The following SLC6A11 variants were observed in gnomAD, a reference collection of about 807,000 sequenced individuals.
SLC6A11 encodes the protein solute carrier family 6 member 11.
SLC6A11 carries 25 observed loss-of-function variants against 74.8 expected under a neutral mutation model. The ratio of observed to expected loss-of-function variants is 0.33; its 90% CI spans 0.24 to 0.47. The LOEUF (loss-of-function observed/expected upper bound fraction) is 0.47. Ranked by LOEUF, SLC6A11 falls within the 20% of genes least tolerant of loss-of-function variation. SLC6A11 has a pLI of 1.00. For synonymous variants in SLC6A11, 330 were observed against 330.2 expected (o/e 1.00, Z 0.01); for missense variants, 574 against 837.0 (o/e 0.69, Z 3.88).
chr3:10,878,132 C>T (rs1309318504), intron 6 of SLC6A11, among the ~76,000 whole-genome samples: 1 of 152,196 alleles, frequency 6.6e-6, no homozygotes, highest in African/African-American at 2.4e-5. Context: ...ACCTCTTTTG[C>T]TTAAATTCTC....
chr3:10,830,988 G>T (rs1007787790), intron 4 of SLC6A11, among the ~76,000 whole-genome samples: 1 of 152,170 alleles, frequency 6.6e-6, no homozygotes, highest in Admixed American at 6.5e-5. Flanking sequence ...GCACTGTTGG[G>T]AAAGACAGGG....
rs552143827 is a variant in SLC6A11 at position 10,885,592 on chromosome 3, C to G, written c.891+10497C>G. ...ATCTTACAATGCACAGGACAGCCCCCATGATAAAAAAAAAAAAAAAAAATC... is the reference window on the plus strand; with the variant it reads ...ATCTTACAATGCACAGGACAGCCCCGATGATAAAAAAAAAAAAAAAAAATC... On this transcript the variant is annotated intron_variant, in intron 6 of 13. Coordinates refer to ENST00000254488, the MANE Select transcript of SLC6A11 (RefSeq NM_014229.3). Among the ~76,000 whole-genome samples the G allele has an allele frequency of 3.6e-3, 361 of 101,664 alleles. 1 individual carries two copies. The highest frequency in any genetic ancestry group is 0.016 in the African/African-American group (346 of 21,444). 66.7% of individuals were successfully genotyped at this position (101,664 alleles called of 152,430 possible). A position where few individuals can be genotyped will look rare whatever the true frequency, so the allele number is the denominator to read the frequency against.
chr3:10,861,169 G>A (rs952157326), intron 5 of SLC6A11, among the ~76,000 whole-genome samples: 1 of 152,228 alleles, frequency 6.6e-6, no homozygotes, highest in African/African-American at 2.4e-5. Context: ...GCAGATAACA[G>A]ATGCTAAGTG....
intron 6 of SLC6A11, among the ~76,000 whole-genome samples, chr3:10,911,560 T>C (rs1695388834): frequency 6.6e-6 from 1 of 152,182 alleles, no homozygotes; most frequent in Non-Finnish European, 1.5e-5. Flanking sequence ...AGGTCAGCTA[T>C]GCAAATGTAT....
chr3:10,859,783 G>A (rs1694681790), intron 5 of SLC6A11, among the ~76,000 whole-genome samples: 1 of 152,078 alleles, frequency 6.6e-6, no homozygotes, highest in South Asian at 2.1e-4. Context: ...ATTATTTTAT[G>A]TACCAGAAGG....
chr3:10,866,454 G>A (rs1362299597), intron 5 of SLC6A11, among the ~76,000 whole-genome samples: 1 of 152,212 alleles, frequency 6.6e-6, no homozygotes, highest in Non-Finnish European at 1.5e-5. Flanking sequence ...CACCTGCTGG[G>A]CTGTTCCCAG....
Position 10,926,073 on chromosome 3 carries a change from C to A in SLC6A11, c.1190C>A (p.Thr397Asn), listed in dbSNP as rs1030285454. Residue 397 changes from threonine to asparagine, a missense_variant, in exon 9 of 14, where the codon ACC (threonine) becomes AAC (asparagine). By Grantham distance (65) the Thr-to-Asn change is moderately conservative (BLOSUM62 0). This residue lies in a region of SLC6A11 where 257 missense variants were observed against 341.5 expected (regional missense o/e 0.75). Transcript: ENST00000254488. The surrounding 1 kb of genome is among the most constrained non-coding windows in gnomAD (Gnocchi z 5.7). ...TMMPLSPLWA[T>N]LFFMMLIFLG... ...ATGCCTCTCTCCCCGCTGTGGGCCA[C>A]CTTGTTCTTCATGATGCTCATCTTC... 6.2e-7 allele frequency: 1 copy of A among 1,613,708 alleles called. No homozygotes were observed. Among genetic ancestry groups the A allele is most frequent in the African/African-American group, 1.3e-5 (1 of 75,010 alleles).
chr3:10,831,660 T>G (rs995577961), intron 4 of SLC6A11, among the ~76,000 whole-genome samples: 1 of 152,210 alleles, frequency 6.6e-6, no homozygotes, highest in East Asian at 1.9e-4. Flanking sequence ...CTTTTTTGTA[T>G]TATTTAAATT....
rs1695804871 is a variant in SLC6A11, at chr3:10,939,870, C to G, written c.*1468C>G. 6.6e-6 allele frequency: 1 copy of G among 152,230 alleles called. No homozygotes were observed. The highest frequency in any genetic ancestry group is 2.1e-4 in the South Asian group (1 of 4,834). 9.4% of individuals were successfully genotyped at this position (152,230 alleles called of 1,614,324 possible). A position where few individuals can be genotyped will look rare whatever the true frequency, so the allele number is the denominator to read the frequency against. Reference sequence around the variant, plus strand: ...ATACCGCTCTTCTTCTTTAATTGGACTTCATATCAAGCCTCTGCCTTGGTT... The same window carrying G: ...ATACCGCTCTTCTTCTTTAATTGGAGTTCATATCAAGCCTCTGCCTTGGTT... On this transcript the variant is annotated 3_prime_UTR_variant, in exon 14 of 14. Coordinates refer to ENST00000254488, the MANE Select transcript of SLC6A11 (RefSeq NM_014229.3).
intron 6 of SLC6A11, among the ~76,000 whole-genome samples, chr3:10,903,327 T>G (rs562421510): frequency 6.6e-6 from 1 of 152,336 alleles, no homozygotes; most frequent in African/African-American, 2.4e-5. Context: ...AAATGCTGTA[T>G]AAAATCCCAG....
At position 10,839,470 on chromosome 3, in the gene SLC6A11, C is replaced by T. The variant is rs530668638; in HGVS notation, c.624-4744C>T. 9.2e-5 allele frequency among the ~76,000 whole-genome samples: 14 copies of T among 152,270 alleles called. No individual in the cohort carries two copies. The South Asian group carries it at 2.9e-3, about 32-fold the overall frequency. On this transcript the variant is annotated intron_variant, in intron 4 of 13. Transcript: ENST00000254488. ...TCGGCTACTTGCCTGCTGGAGATGC[C>T]CCTCCCTCTGCCTTGAGGATACCCC...
rs1475364737 is a variant in SLC6A11 at position 10,844,204 on chromosome 3, C to G, written c.624-10C>G. The G allele has an allele frequency of 1.2e-6, 2 of 1,614,214 alleles. No individual in the cohort carries two copies. The highest frequency in any genetic ancestry group is 8.5e-7 in the Non-Finnish European group (1 of 1,180,030). On this transcript the variant is annotated splice_polypyrimidine_tract_variant and intron_variant, in intron 4 of 13. Coordinates refer to ENST00000254488, the MANE Select transcript of SLC6A11 (RefSeq NM_014229.3). ...CCAGCCCCAGTGACTCTCCACCCTCCCTTCTGCAGGCACCGGGTCCTGGCC... is the reference window on the plus strand; with the variant it reads ...CCAGCCCCAGTGACTCTCCACCCTCGCTTCTGCAGGCACCGGGTCCTGGCC...
chr3:10,912,049 C>T (rs754301239), intron 6 of SLC6A11, 41 bp from the exon 7 acceptor site: 20 of 1,368,804 alleles, frequency 1.5e-5, no homozygotes, highest in Non-Finnish European at 2.0e-5. Context: ...CACCACACAT[C>T]TGACTTCTGT....
intron 6 of SLC6A11, among the ~76,000 whole-genome samples, chr3:10,882,828 C>T (rs1415500355): frequency 6.6e-6 from 1 of 152,152 alleles, no homozygotes; most frequent in Non-Finnish European, 1.5e-5. Flanking sequence ...TCTCTGGGCT[C>T]CAGGTTCTCA....
chr3:10,916,635 T>C (rs1315076722), intron 7 of SLC6A11, among the ~76,000 whole-genome samples: 2 of 152,222 alleles, frequency 1.3e-5, no homozygotes, highest in African/African-American at 2.4e-5. Context: ...CCTCTGTTTA[T>C]GTCACATCTG....
At chr3:10,923,096 C>T (rs1180883680) in intron 8 of SLC6A11, among the ~76,000 whole-genome samples, 3 of 152,018 alleles carry the variant, frequency 2.0e-5, no homozygotes, top group East Asian at 3.9e-4. Context: ...CATCTATGTA[C>T]AGATAGATAT....
rs1694058458 is a variant in SLC6A11 at position 10,816,408 on chromosome 3, A to G, written c.143A>G (p.His48Arg). ...HPRVKRDKAV[H>R]ERGHWNNKVE... ...CGCGTCAAGCGCGACAAGGCGGTCC[A>G]CGAGCGCGGCCACTGGAACAACAAG... Residue 48 changes from histidine to arginine, a missense_variant, in exon 1 of 14, where the codon CAC (histidine) becomes CGC (arginine). Physicochemically the swap from His to Arg is conservative, Grantham distance 29. Transcript: ENST00000254488. The surrounding 1 kb of genome is among the most constrained non-coding windows in gnomAD (Gnocchi z 4.2). The G allele has an allele frequency of 6.3e-7, 1 of 1,591,672 alleles. No individual in the cohort carries two copies. Among genetic ancestry groups the G allele is most frequent in the African/African-American group, 1.4e-5 (1 of 72,776 alleles).
At chr3:10,874,037 G>A (rs376364084) in intron 5 of SLC6A11, among the ~76,000 whole-genome samples, 6 of 151,220 alleles carry the variant, frequency 4.0e-5, no homozygotes, top group East Asian at 2.0e-4. Flanking sequence ...CCTATCCTAC[G>A]TTAGTCTAGC....
chr3:10,818,780 C>T (rs1295765977), intron 1 of SLC6A11, among the ~76,000 whole-genome samples: 1 of 152,112 alleles, frequency 6.6e-6, no homozygotes, highest in Admixed American at 6.5e-5. Context: ...TAATTTTTTT[C>T]ACAGAAAGGC....
Sources: allele counts gnomAD v4.1 joint callset (sites outside exome capture counted in the v4.1 genomes callset), GRCh38; gene constraint gnomAD v4.1.1; regional missense constraint gnomAD v4.1.1; non-coding constraint Gnocchi (gnomAD v3.1); transcripts MANE v1.5; gene names NCBI Gene and HGNC (gene_info 2026-07-23, HGNC 2026-07-21).